Variants in KIAA1217 observed in about 807,000 individuals in gnomAD.
The protein encoded by KIAA1217 is KIAA1217, also known as sickle tail protein homolog.
KIAA1217 carries 88 observed loss-of-function variants against 163.9 expected under a neutral mutation model. That is an observed-to-expected ratio of 0.54 (90% CI 0.45 to 0.64). The LOEUF (loss-of-function observed/expected upper bound fraction) is 0.64, where lower values mean the gene tolerates loss of function less well. Ranked by LOEUF, KIAA1217 falls within the 30% of genes least tolerant of loss-of-function variation. KIAA1217 has a pLI of 0.00. For missense variants in KIAA1217, 2,372 were observed against 2,475.0 expected, an observed-to-expected ratio of 0.96 and a Z score of 0.88; for synonymous variants, 903 against 923.1, an observed-to-expected ratio of 0.98 and a Z score of 0.39.
chr10:23,909,273 G>A (rs981590460), intron 1 of KIAA1217, among the ~76,000 whole-genome samples: 2 of 151,808 alleles, frequency 1.3e-5, no homozygotes, highest in Non-Finnish European at 2.9e-5. Context: ...CAGGTAATGG[G>A]TACACCAGAA....
At chr10:24,248,800 G>A (rs1443856446) in intron 2 of KIAA1217, among the ~76,000 whole-genome samples, 1 of 151,306 alleles carries the variant, frequency 6.6e-6, no homozygotes, top group African/African-American at 2.4e-5. Context: ...GTATAGCTAT[G>A]ATTCAGTTTC....
chr10:24,421,738 A>T (rs1017611707), intron 3 of KIAA1217, among the ~76,000 whole-genome samples: 4 of 152,208 alleles, frequency 2.6e-5, no homozygotes, highest in Non-Finnish European at 4.4e-5. Context: ...AGATAAGTGT[A>T]TAGTTTTTTT....
At chr10:23,825,775 C>T (rs892934668) in intron 1 of KIAA1217, among the ~76,000 whole-genome samples, 4 of 152,038 alleles carry the variant, frequency 2.6e-5, no homozygotes, top group African/African-American at 9.7e-5. Context: ...AGTGGTAAAA[C>T]GTGGATTTTT....
intron 1 of KIAA1217, among the ~76,000 whole-genome samples, chr10:23,867,353 T>G (rs1322286907): frequency 4.6e-5 from 7 of 151,188 alleles, no homozygotes; most frequent in African/African-American, 1.5e-4. Context: ...TATAGTCCTT[T>G]GGGTATATAC....
chr10:24,064,150 T>C (rs1374081773), intron 2 of KIAA1217, among the ~76,000 whole-genome samples: 1 of 152,188 alleles, frequency 6.6e-6, no homozygotes, highest in African/African-American at 2.4e-5. Context: ...TCCTGCCTGA[T>C]TGCCCTGGCC....
chr10:24,497,991 T>TAA (rs1232460468), intron 8 of KIAA1217, among the ~76,000 whole-genome samples: 2 of 152,172 alleles, frequency 1.3e-5, no homozygotes, highest in African/African-American at 4.8e-5. Context: ...ATTATATATA[T>TAA]AATACAATTA....
chr10:24,105,187 G>A (rs1485876214), intron 2 of KIAA1217, among the ~76,000 whole-genome samples: 4 of 152,034 alleles, frequency 2.6e-5, no homozygotes, highest in Admixed American at 6.6e-5. Flanking sequence ...AAATTCTAGC[G>A]ACTCACAGAG....
At chr10:23,730,721 A>G (rs538846552) in intron 1 of KIAA1217, among the ~76,000 whole-genome samples, 1 of 152,230 alleles carries the variant, frequency 6.6e-6, no homozygotes, top group Non-Finnish European at 1.5e-5. Context: ...TGTTCAATTT[A>G]TACCTAAGTA....
intron 1 of KIAA1217, among the ~76,000 whole-genome samples, chr10:23,899,134 C>T (rs1841846007): frequency 6.6e-6 from 1 of 152,076 alleles, no homozygotes; most frequent in South Asian, 2.1e-4. Context: ...ATGGAGTAGT[C>T]TTGTTCATGT....
chr10:24,230,692 G>T (rs1482749700), intron 2 of KIAA1217, among the ~76,000 whole-genome samples: 4 of 151,604 alleles, frequency 2.6e-5, no homozygotes, highest in African/African-American at 9.7e-5. Flanking sequence ...TTGCATTTTT[G>T]GCTAACTTTT....
intron 2 of KIAA1217, among the ~76,000 whole-genome samples, chr10:24,127,801 A>G (rs757287217): frequency 9.2e-5 from 14 of 152,248 alleles, no homozygotes; most frequent in Non-Finnish European, 1.5e-4. Context: ...ATAACATGAC[A>G]TATTTCACAA....
chr10:24,505,295 C>T (rs968471541), intron 9 of KIAA1217, among the ~76,000 whole-genome samples: 2 of 150,468 alleles, frequency 1.3e-5, no homozygotes, highest in Non-Finnish European at 1.5e-5. Flanking sequence ...TATATGGAAC[C>T]TTTATAGTGT....
intron 1 of KIAA1217, among the ~76,000 whole-genome samples, chr10:23,791,268 G>T (rs753345261): frequency 3.3e-5 from 5 of 152,038 alleles, no homozygotes; most frequent in Non-Finnish European, 7.4e-5. Flanking sequence ...AACCTATACA[G>T]AAGTTGAGAG....
chr10:24,077,170 C>A (rs2061395344), intron 2 of KIAA1217, among the ~76,000 whole-genome samples: 1 of 152,130 alleles, frequency 6.6e-6, no homozygotes, highest in Non-Finnish European at 1.5e-5. Context: ...AGCCACTGTG[C>A]CTGGCCTATT....
chr10:24,178,708 C>T (rs140109054), intron 2 of KIAA1217, among the ~76,000 whole-genome samples: 1 of 152,188 alleles, frequency 6.6e-6, no homozygotes, highest in Non-Finnish European at 1.5e-5. Context: ...TTTGAAGTTT[C>T]TCAGCACCCA....
At chr10:24,435,426 T>A (rs2059942630) in intron 4 of KIAA1217, among the ~76,000 whole-genome samples, 1 of 152,258 alleles carries the variant, frequency 6.6e-6, no homozygotes, top group South Asian at 2.1e-4. Context: ...TACATGGAGC[T>A]GCCAGTTACA....
intron 2 of KIAA1217, among the ~76,000 whole-genome samples, chr10:24,221,761 A>G (rs1281957056): frequency 3.3e-5 from 5 of 152,238 alleles, no homozygotes. Context: ...GACTCTGGGC[A>G]CAGTGGTTCA....
At chr10:23,981,045 A>C (rs186852793) in intron 1 of KIAA1217, among the ~76,000 whole-genome samples, 1 of 152,318 alleles carries the variant, frequency 6.6e-6, no homozygotes, top group Admixed American at 6.5e-5. Flanking sequence ...TTAAAGTTTA[A>C]AAATAAAACC....
At chr10:23,989,951 A>G (rs781648908) in intron 1 of KIAA1217, among the ~76,000 whole-genome samples, 2 of 152,222 alleles carry the variant, frequency 1.3e-5, no homozygotes, top group African/African-American at 2.4e-5. Context: ...CAAGGATTAA[A>G]CCAAGAAATG....
Sources: allele counts gnomAD v4.1 joint callset (sites outside exome capture counted in the v4.1 genomes callset), GRCh38; gene constraint gnomAD v4.1.1; transcripts MANE v1.5; gene names NCBI Gene and HGNC (gene_info 2026-07-23, HGNC 2026-07-21).